Variants in CTPS2 observed in about 807,000 individuals in gnomAD.
The protein encoded by CTPS2 is CTP synthase II.
In CTPS2, 19 loss-of-function variants were observed where a neutral mutation model predicts 46.8. The ratio of observed to expected loss-of-function variants is 0.41; its 90% confidence interval spans 0.28 to 0.60. CTPS2 has a LOEUF of 0.60. Among genes scored for constraint, CTPS2 ranks in the 20% least tolerant of loss-of-function variants. The pLI is 0.35. For missense variants in CTPS2, 286 were observed against 447.6 expected, an observed-to-expected ratio of 0.64 and a Z score of 3.26; for synonymous variants, 151 against 165.2, an observed-to-expected ratio of 0.91 and a Z score of 0.66.
chrX:16,615,194 C>G (rs1340885111), intron 16 of CTPS2, among the ~76,000 whole-genome samples: 1 of 109,188 alleles, frequency 9.2e-6, no homozygotes, highest in Non-Finnish European at 1.9e-5. Flanking sequence ...AAAAAAGTAG[C>G]CAGGCAGGGT....
In CTPS2 at chrX:16,609,660, C is replaced by T. The variant is rs1241904495; in HGVS notation, c.1572G>A (p.Gln524=). ...GCCTAGAAGAAAACTCAGGATGGAA[C>T]TGGACACCAACAAAATAAGGATGAT... ...LANHPYFVGV[Q]FHPEFSSRPM... is the part of the protein sequence containing the mutation. Residue 524 remains glutamine (Q), a synonymous_variant, in exon 17 of 19, where the codon CAG becomes CAA. Coordinates refer to ENST00000359276, the MANE Select transcript of CTPS2 (RefSeq NM_175859.3). 2.5e-6 allele frequency: 3 copies of T among 1,210,111 alleles called. No individual in the cohort carries two copies. Among genetic ancestry groups the T allele is most frequent in the Non-Finnish European group, 3.4e-6 (3 of 894,709 alleles).
chrX:16,689,178 C>T (rs1332545431), intron 8 of CTPS2, among the ~76,000 whole-genome samples: 1 of 112,279 alleles, frequency 8.9e-6, no homozygotes, highest in East Asian at 2.8e-4. Context: ...TCAAATAAAT[C>T]AGAATCCTTC....
chrX:16,676,125 T>C (rs1317459198), intron 10 of CTPS2, among the ~76,000 whole-genome samples: 1 of 112,216 alleles, frequency 8.9e-6, no homozygotes, highest in East Asian at 2.8e-4. Flanking sequence ...ATAAGTGCAA[T>C]AAGAATCTTT....
In CTPS2 at chrX:16,639,198, T is replaced by C. The variant is rs745431267; in HGVS notation, c.1342A>G (p.Met448Val). Residue 448 changes from methionine (M) to valine (V), a missense_variant, in exon 14 of 19, where the codon ATG (methionine) becomes GTG (valine). By Grantham distance (21) the Met-to-Val change is conservative. Transcript: ENST00000359276. The part of the protein sequence containing the change: ...EHNPGNLGGT[M>V]RLGIRRTVFK... ...ACAGTTCTTCTTATTCCCAGTCTCA[T>C]TGTTCCTCCCAAATTGCCAGGGTTG... The C allele has an allele frequency of 6.6e-6, 8 of 1,208,310 alleles. No individual in the cohort carries two copies. The highest frequency in any genetic ancestry group is 3.5e-5 in the African/African-American group (2 of 57,096).
chrX:16,677,459 G>A (rs1024951794), intron 10 of CTPS2, among the ~76,000 whole-genome samples: 7 of 111,102 alleles, frequency 6.3e-5, no homozygotes, highest in African/African-American at 1.6e-4. Context: ...TATTCAACAC[G>A]AAGAAGTTAC....
intron 13 of CTPS2, among the ~76,000 whole-genome samples, chrX:16,663,677 G>A (rs1933043846): frequency 9.0e-6 from 1 of 110,884 alleles, no homozygotes; most frequent in South Asian, 3.8e-4. Flanking sequence ...GCAACATAGT[G>A]AGACAGCCCA....
rs191168735 is a variant in CTPS2, at chrX:16,650,399, T to C, written c.1297-11156A>G. Among the ~76,000 whole-genome samples, 984 of 111,106 alleles carry C rather than the reference T, an allele frequency of 8.9e-3. 10 individuals carry two copies. Among genetic ancestry groups the C allele is most frequent in the Non-Finnish European group, 0.013 (682 of 53,088 alleles). On this transcript the variant is annotated intron_variant, in intron 13 of 18. Coordinates refer to ENST00000359276, the MANE Select transcript of CTPS2 (RefSeq NM_175859.3). ...CACAGCCTGCAGAGTGCAGATCAGG[T>C]ACATAAAAAGTGTAGAATGTCATTA...
intron 1 of CTPS2, among the ~76,000 whole-genome samples, chrX:16,710,714 G>A (rs1199864603): frequency 9.0e-6 from 1 of 111,442 alleles, no homozygotes; most frequent in African/African-American, 3.3e-5. Flanking sequence ...CGCCTCCCGG[G>A]TTCAAGCAAT....
rs865840157 is a variant in CTPS2, at chrX:16,636,144, A to C, written c.1393+3003T>G. On this transcript the variant is annotated intron_variant, in intron 14 of 18. Transcript: ENST00000359276. ...ACCAGGCATGGTGGCTCACGCCTGT[A>C]ATCCCAGCACTTCAGGAGGCCAAGG... 1.7e-4 allele frequency among the ~76,000 whole-genome samples: 19 copies of C among 112,278 alleles called. No individual in the cohort carries two copies. In the Middle Eastern group the frequency reaches 0.014, roughly 81 times the overall value.
chrX:16,661,073 C>T (rs955991820), intron 13 of CTPS2, among the ~76,000 whole-genome samples: 2 of 110,833 alleles, frequency 1.8e-5, no homozygotes, highest in East Asian at 5.7e-4. Flanking sequence ...GATTCTCCTG[C>T]CTCAGCCTCC....
At chrX:16,695,071 G>T (rs753539780) in intron 4 of CTPS2, among the ~76,000 whole-genome samples, 1 of 111,888 alleles carries the variant, frequency 8.9e-6, no homozygotes, top group African/African-American at 3.2e-5. Flanking sequence ...CTTGGCAGGG[G>T]TGAAGTGAGT....
chrX:16,596,341 C>T (rs1453874008), intron 17 of CTPS2, among the ~76,000 whole-genome samples: 2 of 103,618 alleles, frequency 1.9e-5, no homozygotes, highest in East Asian at 3.1e-4. Flanking sequence ...TCCCTCCCCC[C>T]TCCCCCTAAC....
intron 17 of CTPS2, among the ~76,000 whole-genome samples, chrX:16,596,841 C>CTGTT (rs1929308354): frequency 9.4e-6 from 1 of 106,402 alleles, no homozygotes; most frequent in Non-Finnish European, 1.9e-5. Context: ...TTCTCCACAT[C>CTGTT]CTCTCCAGCA....
At chrX:16,650,800 C>T (rs1932581393) in intron 13 of CTPS2, among the ~76,000 whole-genome samples, 4 of 110,357 alleles carry the variant, frequency 3.6e-5, no homozygotes, top group Admixed American at 9.7e-5. Flanking sequence ...CATGAGCTAC[C>T]GTGCCTGGCC....
intron 11 of CTPS2, among the ~76,000 whole-genome samples, chrX:16,669,033 A>G (rs1921485594): frequency 9.0e-6 from 1 of 111,392 alleles, no homozygotes; most frequent in South Asian, 3.8e-4. Context: ...GAGTGCCTAC[A>G]GGACGTCAGG....
chrX:16,704,241 G>A (rs1924818505), intron 1 of CTPS2, among the ~76,000 whole-genome samples: 1 of 111,267 alleles, frequency 9.0e-6, no homozygotes, highest in South Asian at 3.7e-4. Context: ...CCCGGCCTTG[G>A]GCAAGTTATT....
In CTPS2 at chrX:16,673,100, A is replaced by T. The variant is rs375293761; in HGVS notation, c.1095-2426T>A. Among the ~76,000 whole-genome samples, 333 of 107,144 alleles carry T rather than the reference A, an allele frequency of 3.1e-3. 1 individual carries two copies. The highest frequency in any genetic ancestry group is 0.011 in the African/African-American group (320 of 29,304). The allele number at this position is 107,144 out of a possible 115,157, so 93.0% of individuals were successfully genotyped here. ...ACGGGGTTTCACCGTTTTAGCCGGG[A>T]TGGTCTCGATCTCCTGACCTCGTGA... On this transcript the variant is annotated intron_variant, in intron 10 of 18. Coordinates refer to ENST00000359276, the MANE Select transcript of CTPS2 (RefSeq NM_175859.3).
chrX:16,651,382 A>G (rs1932623443), intron 13 of CTPS2, among the ~76,000 whole-genome samples: 1 of 111,723 alleles, frequency 9.0e-6, no homozygotes, highest in Non-Finnish European at 1.9e-5. Flanking sequence ...GCCATAATAA[A>G]TGGAAGCAAT....
At chrX:16,699,297 G>T (rs1005404636) in intron 2 of CTPS2, among the ~76,000 whole-genome samples, 1 of 110,044 alleles carries the variant, frequency 9.1e-6, no homozygotes, top group Non-Finnish European at 1.9e-5. Context: ...TTCTATTGTG[G>T]TTTTTTTTTA....
Sources: allele counts gnomAD v4.1 joint callset (sites outside exome capture counted in the v4.1 genomes callset), GRCh38; gene constraint gnomAD v4.1.1; transcripts MANE v1.5; gene names NCBI Gene and HGNC (gene_info 2026-07-23, HGNC 2026-07-21).